The following CRYL1 variants were observed in gnomAD, a reference collection of about 807,000 sequenced individuals.
The protein encoded by CRYL1 is lambda-crystallin homolog.
Under a neutral mutation model 36.6 loss-of-function variants are expected in CRYL1, and 29 were observed. That is an observed-to-expected ratio of 0.79 (90% CI 0.59 to 1.08). The LOEUF is 1.08. CRYL1 is among the 50% of genes least tolerant of loss of function. CRYL1 has a pLI of 0.00. For missense variants in CRYL1, 411 were observed against 407.9 expected, an observed-to-expected ratio of 1.01 and a Z score of -0.06; for synonymous variants, 152 against 151.5, an observed-to-expected ratio of 1.00 and a Z score of -0.02.
intron 3 of CRYL1, among the ~76,000 whole-genome samples, chr13:20,440,970 G>A (rs1453403910): frequency 1.3e-5 from 2 of 152,154 alleles, no homozygotes; most frequent in Admixed American, 1.3e-4. Flanking sequence ...GGATGAAGAG[G>A]ACACCGCCCT....
chr13:20,460,473 T>A (rs961617160), intron 3 of CRYL1, among the ~76,000 whole-genome samples: 2 of 149,888 alleles, frequency 1.3e-5, no homozygotes, highest in African/African-American at 4.9e-5. Flanking sequence ...GGCTCTTTAA[T>A]CTTTGCCTAT....
chr13:20,514,323 C>T (rs947844271), intron 1 of CRYL1, among the ~76,000 whole-genome samples: 5 of 152,178 alleles, frequency 3.3e-5, no homozygotes, highest in African/African-American at 4.8e-5. Flanking sequence ...TGATATAAGA[C>T]AAAGTGAAAA....
intron 3 of CRYL1, among the ~76,000 whole-genome samples, chr13:20,488,331 T>C (rs1341412074): frequency 6.6e-6 from 1 of 152,172 alleles, no homozygotes; most frequent in Non-Finnish European, 1.5e-5. Context: ...TTCAACTTCA[T>C]ACAAACTTCA....
chr13:20,484,172 T>C (rs1203832636), intron 3 of CRYL1, among the ~76,000 whole-genome samples: 1 of 152,120 alleles, frequency 6.6e-6, no homozygotes, highest in Non-Finnish European at 1.5e-5. Flanking sequence ...GTAGCCTAGA[T>C]TGATTTTTCT....
In CRYL1 at chr13:20,512,594, G is replaced by A. The variant is rs989188962; in HGVS notation, c.42-44C>T. 17 of 1,436,990 alleles carry A rather than the reference G, an allele frequency of 1.2e-5. No homozygotes were observed. The African/African-American group carries it at 1.3e-4, about 11-fold the overall frequency. 89.0% of individuals were successfully genotyped at this position (1,436,990 alleles called of 1,614,324 possible). On this transcript the variant is annotated intron_variant, in intron 1 of 7. Coordinates refer to ENST00000298248, the MANE Select transcript of CRYL1 (RefSeq NM_015974.3). ...AAGGATTCGAGTTAATTTAATAATC[G>A]AATGGCTTTTCATTCCTAACCCAGA...
In CRYL1 at chr13:20,425,386, TG is replaced by T. The variant is rs2031911036; in HGVS notation, c.633+6715del. Among the ~76,000 whole-genome samples the T allele has an allele frequency of 6.6e-6, 1 of 152,334 alleles. No homozygotes were observed. The highest frequency in any genetic ancestry group is 1.9e-4 in the East Asian group (1 of 5,184). ...ACATCTGAATAACCGTCAGTGAGCC[TG>T]CCTTGCTCTGTTATAGGGTCTCAGG... On this transcript the variant is annotated intron_variant, in intron 5 of 7. Coordinates refer to ENST00000298248, the MANE Select transcript of CRYL1 (RefSeq NM_015974.3). This position sits in a 1 kb window ranked among gnomAD's most constrained non-coding sequence, Gnocchi z 4.4.
At chr13:20,504,306 T>TC (rs1429896654) in intron 2 of CRYL1, among the ~76,000 whole-genome samples, 85 of 145,960 alleles carry the variant, frequency 5.8e-4, no homozygotes, top group African/African-American at 2.0e-3. Flanking sequence ...TCTTTTCTTT[T>TC]TTTTTTTTTT....
intron 6 of CRYL1, among the ~76,000 whole-genome samples, chr13:20,410,005 C>T (rs1166518898): frequency 6.6e-6 from 1 of 151,640 alleles, no homozygotes; most frequent in African/African-American, 2.4e-5. Flanking sequence ...ACTAGAAATA[C>T]CATTTGACCC....
At chr13:20,472,336 G>A (rs371222763) in intron 3 of CRYL1, among the ~76,000 whole-genome samples, 1 of 152,114 alleles carries the variant, frequency 6.6e-6, no homozygotes, top group Non-Finnish European at 1.5e-5. Context: ...ATATGTACAT[G>A]TTCAGCACAG....
In CRYL1 at chr13:20,439,688, C is replaced by G. The variant is rs1248861699; in HGVS notation, c.343G>C (p.Asp115His). Residue 115 changes from aspartate (D) to histidine (H), a missense_variant, in exon 4 of 8, where the codon GAT becomes CAT. Physicochemically the swap from Asp to His is moderately conservative, Grantham distance 81. Transcript: ENST00000298248. The stretch of plus-strand genomic sequence containing the variant: ...GTGGAACTGCTTAAGATCACTCGAT[C>G]ATCAATGATGGAATCTAACTGAGCA... Reference protein sequence around the residue: ...IFAQLDSIIDDRVILSSSTSC... With the variant: ...IFAQLDSIIDHRVILSSSTSC... 1 of 1,613,932 alleles carries G rather than the reference C, an allele frequency of 6.2e-7. No individual in the cohort carries two copies. The highest frequency in any genetic ancestry group is 8.5e-7 in the Non-Finnish European group (1 of 1,179,984).
chr13:20,418,989 T>C (rs1444221510), intron 5 of CRYL1: 1 of 152,204 alleles, frequency 6.6e-6, no homozygotes, highest in Non-Finnish European at 1.5e-5. Context: ...CCTTCAGCCC[T>C]ACGAGGGCGA....
intron 3 of CRYL1, among the ~76,000 whole-genome samples, chr13:20,447,971 C>T (rs760068719): frequency 1.3e-5 from 2 of 152,164 alleles, no homozygotes; most frequent in Admixed American, 6.5e-5. Flanking sequence ...AAACAACACA[C>T]ACCCGAGAAA....
intron 2 of CRYL1, among the ~76,000 whole-genome samples, chr13:20,509,803 G>A (rs539783431): frequency 2.0e-5 from 3 of 152,030 alleles, no homozygotes; most frequent in Admixed American, 6.6e-5. Context: ...AGTGGCAGTC[G>A]CCTGTAATCC....
rs767462431 is a variant in CRYL1 at position 20,512,447 on chromosome 13, T to G, written c.145A>C (p.Ile49Leu). Residue 49 changes from isoleucine to leucine, a missense_variant, in exon 2 of 8, where the codon ATC becomes CTC. Ile to Leu is a conservative substitution (Grantham distance 5). Coordinates refer to ENST00000298248, the MANE Select transcript of CRYL1 (RefSeq NM_015974.3). ...QQQIRNALEN[I>L]RKEMKLLEQA... is the part of the protein sequence containing the mutation. Reference sequence around the variant, plus strand: ...GGAGAGCGCCGGCTGGCCCACCTGATGTTTTCCAGGGCGTTCCTTATCTGC... The same window carrying G: ...GGAGAGCGCCGGCTGGCCCACCTGAGGTTTTCCAGGGCGTTCCTTATCTGC... 8 of 1,612,590 alleles carry G rather than the reference T, an allele frequency of 5.0e-6. No individual in the cohort carries two copies. In the Admixed American group the frequency reaches 1.3e-4, roughly 27 times the overall value.
intron 5 of CRYL1, chr13:20,419,173 C>G (rs1279788182): frequency 6.6e-6 from 1 of 152,204 alleles, no homozygotes; most frequent in African/African-American, 2.4e-5. Context: ...CAAGAACAGT[C>G]ACTTGCACAG....
At chr13:20,521,097 C>A in intron 1 of CRYL1, among the ~76,000 whole-genome samples, 1 of 71,308 alleles carries the variant, frequency 1.4e-5, no homozygotes, top group South Asian at 5.3e-4. Context: ...AGCGAGACTC[C>A]GTCTCAAAAA....
rs190329860 is a variant in CRYL1, at chr13:20,476,597, C to T, written c.276+12773G>A. On this transcript the variant is annotated intron_variant, in intron 3 of 7. Coordinates refer to ENST00000298248, the MANE Select transcript of CRYL1 (RefSeq NM_015974.3). ...AGATATGCTCCCAGCGTGCTGATAC[C>T]GCTAGGTGAGCAGCAGGGAGCCCAA... Among the ~76,000 whole-genome samples, 354 of 152,332 alleles carry T rather than the reference C, an allele frequency of 2.3e-3. 1 individual carries two copies. The highest frequency in any genetic ancestry group is 8.1e-3 in the African/African-American group (338 of 41,580).
intron 5 of CRYL1, among the ~76,000 whole-genome samples, chr13:20,428,506 A>C (rs993236744): frequency 6.6e-6 from 1 of 152,214 alleles, no homozygotes; most frequent in Non-Finnish European, 1.5e-5. Context: ...ACAAAGCATA[A>C]CCAGGTTGAA....
In CRYL1 at chr13:20,525,327, A is replaced by T. The variant is rs192583892; in HGVS notation, c.41+427T>A. The stretch of plus-strand genomic sequence containing the variant: ...GACCTTAGGTAAACTGCTTAGTCTC[A>T]GTATTCTCATTCGTAAAATGGGGAT... On this transcript the variant is annotated intron_variant, in intron 1 of 7. Coordinates refer to ENST00000298248, the MANE Select transcript of CRYL1 (RefSeq NM_015974.3). The surrounding 1 kb of genome is among the most constrained non-coding windows in gnomAD (Gnocchi z 4.3). 6.6e-6 allele frequency among the ~76,000 whole-genome samples: 1 copy of T among 152,366 alleles called. No homozygotes were observed. The highest frequency in any genetic ancestry group is 2.4e-5 in the African/African-American group (1 of 41,584).
Sources: gnomAD v4.1 joint callset for allele counts (sites outside exome capture counted in the v4.1 genomes callset) on GRCh38, gnomAD v4.1.1 for gene constraint, Gnocchi (gnomAD v3.1) non-coding constraint, MANE v1.5 for transcripts, NCBI Gene and HGNC (gene_info 2026-07-23, HGNC 2026-07-21) for gene names.